Variants in MAST4 observed in about 807,000 individuals in gnomAD.
MAST4 encodes microtubule associated serine/threonine kinase family member 4.
In MAST4, 89 loss-of-function variants were observed where a neutral mutation model predicts 162.7. The ratio of observed to expected loss-of-function variants is 0.55; its 90% confidence interval spans 0.46 to 0.65. The LOEUF (loss-of-function observed/expected upper bound fraction) is 0.65. Among genes scored for constraint, MAST4 ranks in the 30% least tolerant of loss-of-function variants. The pLI is 0.00. For synonymous variants in MAST4, 1,479 were observed against 1,361.1 expected (o/e 1.09, Z -1.91); for missense variants, 3,153 against 3,374.0 (o/e 0.93, Z 1.62).
At chr5:66,899,141 G>A (rs1350426623) in intron 3 of MAST4, among the ~76,000 whole-genome samples, 1 of 152,184 alleles carries the variant, frequency 6.6e-6, no homozygotes, top group Admixed American at 6.5e-5. Flanking sequence ...ATAATTGACA[G>A]CAAGTAATTA....
intron 2 of MAST4, among the ~76,000 whole-genome samples, chr5:66,765,577 G>C (rs1279411370): frequency 1.3e-5 from 2 of 152,102 alleles, no homozygotes; most frequent in Non-Finnish European, 2.9e-5. Flanking sequence ...CTTCAGGGGA[G>C]TAAAGAATTG....
chr5:66,701,777 C>T (rs1289638574), intron 1 of MAST4, among the ~76,000 whole-genome samples: 2 of 151,892 alleles, frequency 1.3e-5, no homozygotes, highest in Non-Finnish European at 2.9e-5. Flanking sequence ...ATTATTTTAT[C>T]AAATGGAAAT....
intron 3 of MAST4, among the ~76,000 whole-genome samples, chr5:66,889,791 A>G (rs1762255465): frequency 6.6e-6 from 1 of 152,214 alleles, no homozygotes; most frequent in African/African-American, 2.4e-5. Flanking sequence ...ATGTGTTAGC[A>G]TTAATCTTCT....
chr5:66,697,600 T>C (rs1033068478), intron 1 of MAST4, among the ~76,000 whole-genome samples: 116 of 152,150 alleles, frequency 7.6e-4, no homozygotes, highest in African/African-American at 2.6e-3. Context: ...CCACAATAGA[T>C]TGAGTGCAGA....
chr5:66,638,317 T>A (rs1451781940), intron 1 of MAST4, among the ~76,000 whole-genome samples: 3 of 152,104 alleles, frequency 2.0e-5, no homozygotes, highest in Non-Finnish European at 4.4e-5. Context: ...AGGACAATAT[T>A]AAAACTGACA....
chr5:66,778,878 G>GT (rs1754723576), intron 2 of MAST4, among the ~76,000 whole-genome samples: 1 of 152,136 alleles, frequency 6.6e-6, no homozygotes, highest in African/African-American at 2.4e-5. Context: ...ATGTTCTGTT[G>GT]TTTTTCACCC....
At chr5:66,648,034 ATGTG>A (rs745965169) in intron 1 of MAST4, among the ~76,000 whole-genome samples, 2,948 of 118,870 alleles carry the variant, frequency 0.025, 53 homozygotes, top group Middle Eastern at 0.044. Flanking sequence ...GTGTTAGGTA[ATGTG>A]TGTGTGTGTG....
intron 3 of MAST4, among the ~76,000 whole-genome samples, chr5:66,845,085 TTATATATATATATATATA>T (rs752796951): frequency 3.1e-4 from 18 of 57,972 alleles, no homozygotes; most frequent in East Asian, 2.2e-3. Flanking sequence ...TCACTAATCT[TTATATATATATATATATA>T]TATATATATA....
At chr5:66,990,142 C>T (rs1561509200) in intron 4 of MAST4, among the ~76,000 whole-genome samples, 1 of 152,044 alleles carries the variant, frequency 6.6e-6, no homozygotes, top group South Asian at 2.1e-4. Context: ...CTTTTAAAGA[C>T]CTCTTTAAAA....
At chr5:67,140,335 A>G (rs974133719) in intron 19 of MAST4, among the ~76,000 whole-genome samples, 44 of 152,252 alleles carry the variant, frequency 2.9e-4, no homozygotes, top group African/African-American at 1.0e-3. Context: ...GTAAAAGAGC[A>G]CTAGAAGAAA....
chr5:66,653,006 A>G (rs1473292335), intron 1 of MAST4, among the ~76,000 whole-genome samples: 1 of 152,184 alleles, frequency 6.6e-6, no homozygotes, highest in Non-Finnish European at 1.5e-5. Flanking sequence ...AGGTCATATC[A>G]TAGCCTATGA....
At chr5:66,731,112 A>T (rs1751822974) in intron 1 of MAST4, among the ~76,000 whole-genome samples, 1 of 152,220 alleles carries the variant, frequency 6.6e-6, no homozygotes, top group Admixed American at 6.5e-5. Context: ...TTTATGAAAA[A>T]ACTTAGATGG....
chr5:67,079,020 G>A (rs1019663860), intron 5 of MAST4, among the ~76,000 whole-genome samples: 2 of 140,196 alleles, frequency 1.4e-5, no homozygotes, highest in African/African-American at 5.4e-5. Flanking sequence ...GTGGAAGGTA[G>A]ACAGCATCCT....
intron 1 of MAST4, among the ~76,000 whole-genome samples, chr5:66,679,414 C>T (rs193258136): frequency 1.3e-4 from 20 of 152,314 alleles, no homozygotes; most frequent in Non-Finnish European, 2.6e-4. Context: ...ATCGGGAGCA[C>T]TGTTGTGGGA....
At chr5:66,706,224 A>G (rs1750116384) in intron 1 of MAST4, among the ~76,000 whole-genome samples, 1 of 152,188 alleles carries the variant, frequency 6.6e-6, no homozygotes, top group African/African-American at 2.4e-5. Flanking sequence ...TTTATCATCA[A>G]CAGGACAAAG....
chr5:66,672,915 A>G (rs1436191016), intron 1 of MAST4, among the ~76,000 whole-genome samples: 2 of 152,130 alleles, frequency 1.3e-5, no homozygotes, highest in South Asian at 2.1e-4. Context: ...CAGCCCTTAC[A>G]TGAGGGGTTC....
chr5:67,160,571 A>G lies in MAST4; in HGVS notation c.3764A>G (p.Lys1255Arg), dbSNP rs766947261. 1.9e-6 allele frequency: 3 copies of G among 1,613,672 alleles called. No homozygotes were observed. The Admixed American group carries it at 5.0e-5, about 27-fold the overall frequency. Residue 1255 changes from lysine (K) to arginine (R), a missense_variant, in exon 27 of 29, where the codon AAG becomes AGG. Physicochemically the swap from Lys to Arg is conservative, Grantham distance 26 (BLOSUM62 2). Transcript: ENST00000403625. Reference protein sequence around the residue: ...SRMVRRSKKSKKKESLERRRS... With the variant: ...SRMVRRSKKSRKKESLERRRS... ...ATGGTGAGGCGGAGCAAGAAATCCA[A>G]GAAGAAAGAAAGTCTCGAAAGGTTA...
intron 4 of MAST4, among the ~76,000 whole-genome samples, chr5:66,926,263 T>C (rs1764882670): frequency 6.6e-6 from 1 of 152,174 alleles, no homozygotes; most frequent in African/African-American, 2.4e-5. Context: ...TAAATTATTT[T>C]CTGGCTGGGC....
At chr5:66,779,460 C>T (rs1330246934) in intron 2 of MAST4, among the ~76,000 whole-genome samples, 1 of 148,892 alleles carries the variant, frequency 6.7e-6, no homozygotes, top group Non-Finnish European at 1.5e-5. Flanking sequence ...TGAACTTCTG[C>T]ACTTTCTGGT....
Sources: allele counts gnomAD v4.1 joint callset (sites outside exome capture counted in the v4.1 genomes callset), GRCh38; gene constraint gnomAD v4.1.1; transcripts MANE v1.5; gene names NCBI Gene and HGNC (gene_info 2026-07-23, HGNC 2026-07-21).